The following KLHL32 variants were observed in gnomAD, a reference collection of about 807,000 sequenced individuals.
KLHL32 encodes the protein kelch-like protein 32.
A neutral mutation model predicts 64.8 loss-of-function variants in KLHL32; 35 were observed. The ratio of observed to expected loss-of-function variants is 0.54; its 90% CI spans 0.41 to 0.72. The LOEUF is 0.72. Ranked by LOEUF, KLHL32 falls within the 30% of genes least tolerant of loss-of-function variation. The pLI is 0.00. For synonymous variants in KLHL32, 259 were observed against 281.0 expected, an observed-to-expected ratio of 0.92 and a Z score of 0.78; for missense variants, 589 against 768.5, an observed-to-expected ratio of 0.77 and a Z score of 2.76.
upstream of KLHL32, among the ~76,000 whole-genome samples, chr6:96,920,140 G>C (rs1426251962): frequency 1.3e-5 from 2 of 152,214 alleles, no homozygotes; most frequent in African/African-American, 4.8e-5. Flanking sequence ...GGGATGATGG[G>C]AAGATCATGA....
intron 3 of KLHL32, among the ~76,000 whole-genome samples, chr6:96,987,778 G>T (rs964939968): frequency 3.3e-5 from 5 of 152,120 alleles, no homozygotes; most frequent in African/African-American, 1.2e-4. Context: ...GAACAGAACA[G>T]AGCCCTCAGA....
intron 3 of KLHL32, among the ~76,000 whole-genome samples, chr6:97,026,631 C>T (rs1165044136): frequency 6.6e-6 from 1 of 152,104 alleles, no homozygotes; most frequent in Non-Finnish European, 1.5e-5. Context: ...AGGGAGGGTC[C>T]ACACCTGGAC....
intron 3 of KLHL32, among the ~76,000 whole-genome samples, chr6:97,039,968 T>A (rs557016265): frequency 1.7e-3 from 261 of 152,294 alleles, no homozygotes; most frequent in African/African-American, 6.0e-3. Context: ...AAATTAAGAC[T>A]ATATTAAATT....
the KLHL32 span, among the ~76,000 whole-genome samples, chr6:96,918,289 T>G: frequency 0.74 from 112,562 of 152,064 alleles, 42,004 homozygotes; most frequent in African/African-American, 0.82. Context: ...ATTTGGGGAA[T>G]TCAGGGATGC....
chr6:97,096,453 A>G (rs946120), intron 6 of KLHL32, among the ~76,000 whole-genome samples: 78,282 of 152,162 alleles, frequency 0.51, 20,330 homozygotes, highest in Middle Eastern at 0.61. Context: ...CTCCAAGCGT[A>G]TATATTCCAT....
chr6:97,136,789 T>G (rs1800069825), intron 10 of KLHL32, among the ~76,000 whole-genome samples: 1 of 152,216 alleles, frequency 6.6e-6, no homozygotes, highest in South Asian at 2.1e-4. Flanking sequence ...TTTTCCCTTC[T>G]CAGATTAAAT....
intron 4 of KLHL32, among the ~76,000 whole-genome samples, chr6:97,045,084 T>C (rs1785721734): frequency 6.6e-6 from 1 of 152,170 alleles, no homozygotes; most frequent in Non-Finnish European, 1.5e-5. Flanking sequence ...TTAAGATATG[T>C]GTCTTAGAAT....
intron 3 of KLHL32, among the ~76,000 whole-genome samples, chr6:97,020,718 G>C (rs1264479549): frequency 6.6e-6 from 1 of 150,832 alleles, no homozygotes; most frequent in Non-Finnish European, 1.5e-5. Flanking sequence ...TTTCCTCAAC[G>C]CATCAGCATC....
At chr6:97,073,018 G>C (rs565190961) in intron 5 of KLHL32, among the ~76,000 whole-genome samples, 4 of 152,288 alleles carry the variant, frequency 2.6e-5, no homozygotes, top group African/African-American at 9.6e-5. Flanking sequence ...ATGAGATAGT[G>C]CATGCAAAGT....
At chr6:97,136,969 TC>T (rs1800089326) in intron 10 of KLHL32, among the ~76,000 whole-genome samples, 1 of 152,216 alleles carries the variant, frequency 6.6e-6, no homozygotes, top group Admixed American at 6.5e-5. Flanking sequence ...AAATACTGGC[TC>T]CACCACTTGC....
intron 3 of KLHL32, among the ~76,000 whole-genome samples, chr6:96,984,701 CT>C (rs57186745): frequency 6.6e-6 from 1 of 151,976 alleles, no homozygotes; most frequent in Admixed American, 6.6e-5. Context: ...CAACCCCTGC[CT>C]TTTTTTGTTT....
chr6:97,051,190 T>C (rs1354693292), intron 4 of KLHL32, among the ~76,000 whole-genome samples: 1 of 152,188 alleles, frequency 6.6e-6, no homozygotes, highest in Non-Finnish European at 1.5e-5. Flanking sequence ...ATAATATAGA[T>C]GACAAGGATG....
In KLHL32 at chr6:97,052,762, T is replaced by C. The variant is rs549727494; in HGVS notation, c.312+11163T>C. On this transcript the variant is annotated intron_variant, in intron 4 of 10. Transcript: ENST00000369261. ...AGGACTTCTTAAATATTTTAAATTT[T>C]ATACCTAGATCAAGCCAGAAAACCA... Among the ~76,000 whole-genome samples, 5 of 152,328 alleles carry C rather than the reference T, an allele frequency of 3.3e-5. No individual in the cohort carries two copies. The South Asian group carries it at 1.0e-3, about 32-fold the overall frequency.
the KLHL32 span, among the ~76,000 whole-genome samples, chr6:96,918,737 TAA>T: frequency 6.6e-6 from 1 of 152,244 alleles, no homozygotes; most frequent in African/African-American, 2.4e-5. Context: ...CATCAGTTTT[TAA>T]AAGAGAATTT....
At chr6:97,066,057 C>T (rs374842891) in intron 5 of KLHL32, among the ~76,000 whole-genome samples, 1 of 152,132 alleles carries the variant, frequency 6.6e-6, no homozygotes, top group Non-Finnish European at 1.5e-5. Context: ...TATTTTTAAT[C>T]CCTTTCTGCC....
chr6:97,110,838 G>A (rs1453386267), intron 6 of KLHL32, among the ~76,000 whole-genome samples: 1 of 152,244 alleles, frequency 6.6e-6, no homozygotes, highest in African/African-American at 2.4e-5. Flanking sequence ...ACAGAAGCCT[G>A]CTGCTGTTGG....
chr6:97,078,398 C>T (rs1033524420), intron 5 of KLHL32, among the ~76,000 whole-genome samples: 2 of 152,082 alleles, frequency 1.3e-5, no homozygotes, highest in African/African-American at 4.8e-5. Flanking sequence ...GGAGAGTTGT[C>T]TAAGTGAAGT....
chr6:97,042,218 A>G (rs1397876271), intron 4 of KLHL32, among the ~76,000 whole-genome samples: 1 of 152,238 alleles, frequency 6.6e-6, no homozygotes, highest in Non-Finnish European at 1.5e-5. Context: ...CTTTAACAAC[A>G]TTTCATCCAA....
At chr6:96,898,311 C>T in the KLHL32 span, among the ~76,000 whole-genome samples, 1 of 152,218 alleles carries the variant, frequency 6.6e-6, no homozygotes, top group African/African-American at 2.4e-5. Flanking sequence ...AAAAATGGAA[C>T]TTACTGAACC....
Sources: allele counts gnomAD v4.1 joint callset (sites outside exome capture counted in the v4.1 genomes callset), GRCh38; gene constraint gnomAD v4.1.1; transcripts MANE v1.5; gene names NCBI Gene and HGNC (gene_info 2026-07-23, HGNC 2026-07-21).